MIS18A: variants seen among roughly 807,000 people sequenced by gnomAD.
MIS18A encodes the protein protein Mis18-alpha.
Under a neutral mutation model 25.0 loss-of-function variants are expected in MIS18A, and 14 were observed. That is an observed-to-expected ratio of 0.56 (90% CI 0.37 to 0.88). The LOEUF (loss-of-function observed/expected upper bound fraction) is 0.88. MIS18A is among the 40% of genes least tolerant of loss of function. The pLI, the probability that MIS18A is intolerant of heterozygous loss-of-function variation, is 0.00. For missense variants in MIS18A, 292 were observed against 290.8 expected (o/e 1.00, Z -0.03); for synonymous variants, 134 against 118.6 (o/e 1.13, Z -0.84).
the MIS18A span, among the ~76,000 whole-genome samples, chr21:32,250,345 G>A: frequency 6.6e-6 from 1 of 152,092 alleles, no homozygotes; most frequent in Non-Finnish European, 1.5e-5. Context: ...TAGATATGTA[G>A]ATGTAATCAG....
At chr21:32,240,398 G>A in the MIS18A span, among the ~76,000 whole-genome samples, 1 of 152,234 alleles carries the variant, frequency 6.6e-6, no homozygotes, top group African/African-American at 2.4e-5. Flanking sequence ...GGAACCAAGA[G>A]CAGCTGCCAC....
chr21:32,274,349 C>T (rs528473515), intron 2 of MIS18A, among the ~76,000 whole-genome samples: 11 of 151,844 alleles, frequency 7.2e-5, no homozygotes, highest in Non-Finnish European at 1.6e-4. Flanking sequence ...GGATTACAGG[C>T]CCGCACCACC....
the MIS18A span, among the ~76,000 whole-genome samples, chr21:32,244,243 C>T: frequency 7.2e-5 from 11 of 151,754 alleles, no homozygotes; most frequent in East Asian, 1.7e-3. Flanking sequence ...CAGTGGATTG[C>T]GCGGGGCCAG....
chr21:32,234,818 C>A, the MIS18A span, among the ~76,000 whole-genome samples: 2 of 152,164 alleles, frequency 1.3e-5, no homozygotes, highest in Non-Finnish European at 2.9e-5. Context: ...GCCTACAGAA[C>A]CATGAGCCAA....
chr21:32,214,813 GC>G, the MIS18A span, among the ~76,000 whole-genome samples: 1 of 152,224 alleles, frequency 6.6e-6, no homozygotes, highest in Non-Finnish European at 1.5e-5. Flanking sequence ...CACTCACTGT[GC>G]CAAGCTAAGA....
intron 2 of MIS18A, among the ~76,000 whole-genome samples, chr21:32,273,107 CT>C (rs1050958392): frequency 7.3e-4 from 109 of 148,796 alleles, no homozygotes; most frequent in African/African-American, 2.0e-3. Flanking sequence ...AATGGAGAAA[CT>C]TTTTTTCTTT....
At chr21:32,173,621 A>G in the MIS18A span, among the ~76,000 whole-genome samples, 14 of 152,200 alleles carry the variant, frequency 9.2e-5, no homozygotes, top group Non-Finnish European at 1.9e-4. Flanking sequence ...AAAATGAAGT[A>G]CTGATGATGA....
the MIS18A span, among the ~76,000 whole-genome samples, chr21:32,252,236 AAGAAGGAGGAGGAGGAGGAGGAGG>A: frequency 5.4e-5 from 2 of 36,810 alleles, no homozygotes; most frequent in Non-Finnish European, 1.2e-4. Context: ...GAAGAAGAAG[AAGAAGGAGGAGGAGGAGGAGGAGG>A]AGGAGGAGGA....
the MIS18A span, among the ~76,000 whole-genome samples, chr21:32,177,166 T>C: frequency 1.3e-5 from 2 of 152,202 alleles, no homozygotes; most frequent in Non-Finnish European, 2.9e-5. Flanking sequence ...AAAACTCAGT[T>C]AATGAGTTTA....
At chr21:32,223,099 C>T in the MIS18A span, among the ~76,000 whole-genome samples, 1 of 151,966 alleles carries the variant, frequency 6.6e-6, no homozygotes, top group African/African-American at 2.4e-5. Flanking sequence ...ACACAACATA[C>T]CAGAATCTCT....
At chr21:32,267,559 T>C (rs2031628107), downstream of MIS18A, among the ~76,000 whole-genome samples, 1 of 152,182 alleles carries the variant, frequency 6.6e-6, no homozygotes, top group Non-Finnish European at 1.5e-5. Flanking sequence ...CTTCCTTCCC[T>C]AGTATGAACA....
chr21:32,247,501 A>T, the MIS18A span, among the ~76,000 whole-genome samples: 7 of 152,344 alleles, frequency 4.6e-5, no homozygotes, highest in South Asian at 1.5e-3. Flanking sequence ...GTTGGAGGAC[A>T]TTGTTTTGGG....
At chr21:32,160,833 G>C in the MIS18A span, among the ~76,000 whole-genome samples, 5 of 152,152 alleles carry the variant, frequency 3.3e-5, no homozygotes, top group South Asian at 8.3e-4. Flanking sequence ...GTTTCTCCAC[G>C]TTGGTCAGAC....
chr21:32,222,223 A>G, the MIS18A span, among the ~76,000 whole-genome samples: 1 of 152,220 alleles, frequency 6.6e-6, no homozygotes, highest in Admixed American at 6.5e-5. Context: ...TAAAGGGATC[A>G]ATGCAACAAG....
the MIS18A span, among the ~76,000 whole-genome samples, chr21:32,193,267 C>T: frequency 1.3e-5 from 2 of 152,214 alleles, no homozygotes; most frequent in East Asian, 3.9e-4. Flanking sequence ...GGAGAAAAGG[C>T]CTCCCACATC....
the MIS18A span, among the ~76,000 whole-genome samples, chr21:32,158,356 T>C: frequency 6.6e-6 from 1 of 152,188 alleles, no homozygotes; most frequent in East Asian, 1.9e-4. Flanking sequence ...TTTTAAACTT[T>C]TTGCATTGAA....
chr21:32,166,643 A>G, the MIS18A span, among the ~76,000 whole-genome samples: 1 of 152,220 alleles, frequency 6.6e-6, no homozygotes, highest in African/African-American at 2.4e-5. Flanking sequence ...GCATAAAATA[A>G]TTATACATGA....
the MIS18A span, among the ~76,000 whole-genome samples, chr21:32,226,995 T>G: frequency 1.3e-3 from 193 of 152,148 alleles, no homozygotes; most frequent in African/African-American, 4.4e-3. Flanking sequence ...GGCTCAAAAC[T>G]AAAATCACAA....
chr21:32,193,846 C>G, the MIS18A span, among the ~76,000 whole-genome samples: 1 of 152,110 alleles, frequency 6.6e-6, no homozygotes, highest in Admixed American at 6.5e-5. Context: ...GCATAAAACT[C>G]TGAAATGGCT....
Sources: gnomAD v4.1 joint callset for allele counts (sites outside exome capture counted in the v4.1 genomes callset) on GRCh38, gnomAD v4.1.1 for gene constraint, MANE v1.5 for transcripts, NCBI Gene and HGNC (gene_info 2026-07-23, HGNC 2026-07-21) for gene names.